GLRB: variants seen among roughly 807,000 people sequenced by gnomAD.
The protein encoded by GLRB is glycine receptor subunit beta.
Under a neutral mutation model 54.2 loss-of-function variants are expected in GLRB, and 33 were observed. The ratio of observed to expected loss-of-function variants is 0.61; its 90% CI spans 0.46 to 0.81. The LOEUF is 0.81. GLRB is among the 40% of genes least tolerant of loss of function. GLRB has a pLI of 0.00. For synonymous variants in GLRB, 209 were observed against 208.2 expected (o/e 1.00, Z -0.03); for missense variants, 572 against 584.6 (o/e 0.98, Z 0.22).
chr4:157,128,529 C>T (rs147561992), intron 4 of GLRB, among the ~76,000 whole-genome samples: 70 of 151,918 alleles, frequency 4.6e-4, no homozygotes, highest in African/African-American at 1.7e-3. Flanking sequence ...TTCCTCATTC[C>T]TGTATTTAAT....
intron 4 of GLRB, among the ~76,000 whole-genome samples, chr4:157,134,157 C>A (rs1736316297): frequency 6.6e-6 from 1 of 151,994 alleles, no homozygotes; most frequent in African/African-American, 2.4e-5. Context: ...TCAGATAATA[C>A]TGTGAACATT....
rs1402486472 is a variant in GLRB, at chr4:157,136,833, A to C, written c.557A>C (p.Asp186Ala). 1.9e-6 allele frequency: 3 copies of C among 1,610,654 alleles called. No individual in the cohort carries two copies. The highest frequency in any genetic ancestry group is 2.5e-6 in the Non-Finnish European group (3 of 1,176,980). The change falls in exon 6 of 10, where the codon GAC becomes GCC. Residue 186 changes from aspartate to alanine, a missense_variant. Physicochemically the swap from Asp to Ala is moderately radical, Grantham distance 126. Transcript: ENST00000264428. ...TCTATTACTCTTTCATGCCCTTTGG[A>C]CTTGACATTGTTTCCCATGGATACA... ...RLSITLSCPL[D>A]LTLFPMDTQR...
intron 2 of GLRB, among the ~76,000 whole-genome samples, chr4:157,093,754 C>CAAAA (rs70958808): frequency 1.3e-3 from 81 of 60,518 alleles, no homozygotes; most frequent in East Asian, 2.0e-3. Context: ...GACTCCATCT[C>CAAAA]AAAAAAAAAA....
chr4:157,141,501 A>T (rs1039234635), intron 7 of GLRB, among the ~76,000 whole-genome samples: 10 of 151,894 alleles, frequency 6.6e-5, no homozygotes, highest in African/African-American at 2.4e-4. Flanking sequence ...TATTAAAATT[A>T]TGCTTTTTTA....
In GLRB at chr4:157,138,866, T is replaced by C. The variant is rs761443255; in HGVS notation, c.668T>C (p.Leu223Ser). Residue 223 changes from leucine (L) to serine (S), a missense_variant, in exon 7 of 10, where the codon TTA becomes TCA. Coordinates refer to ENST00000264428, the MANE Select transcript of GLRB (RefSeq NM_000824.5). Reference protein sequence around the residue: ...FIWQSGDPVQLEKIALPQFDI... With the variant: ...FIWQSGDPVQSEKIALPQFDI... ...TGGCAGTCAGGAGATCCTGTGCAATTAGAAAAAATTGCCTTGCCTCAATTT... is the reference window on the plus strand; with the variant it reads ...TGGCAGTCAGGAGATCCTGTGCAATCAGAAAAAATTGCCTTGCCTCAATTT... The C allele has an allele frequency of 1.9e-5, 29 of 1,547,608 alleles. No homozygotes were observed. The highest frequency in any genetic ancestry group is 1.0e-4 in the Admixed American group (6 of 59,902).
intron 9 of GLRB, among the ~76,000 whole-genome samples, chr4:157,163,332 A>T (rs1737585259): frequency 6.6e-6 from 1 of 152,090 alleles, no homozygotes. Context: ...CGACAGTCAG[A>T]CAAGCCCCAG....
chr4:157,076,985 GGA>G (rs1734062231), intron 1 of GLRB, among the ~76,000 whole-genome samples: 9 of 104,616 alleles, frequency 8.6e-5, no homozygotes, highest in African/African-American at 1.8e-4. Flanking sequence ...GGGGGGGGGG[GGA>G]AGATGAAAAA....
At chr4:157,127,854 A>T (rs1736070301) in intron 4 of GLRB, among the ~76,000 whole-genome samples, 1 of 151,908 alleles carries the variant, frequency 6.6e-6, no homozygotes, top group Admixed American at 6.6e-5. Flanking sequence ...CTCAGTGAAC[A>T]TGATTTTGGT....
At chr4:157,144,020 C>T (rs1736714755) in intron 8 of GLRB, 61 bp downstream of exon 8, 12 of 1,472,696 alleles carry the variant, frequency 8.1e-6, no homozygotes, top group Admixed American at 1.7e-5. Context: ...TCTAACTTAC[C>T]ATATAATCAA....
chr4:157,139,520 T>G (rs879445881), intron 7 of GLRB, among the ~76,000 whole-genome samples: 2 of 152,114 alleles, frequency 1.3e-5, no homozygotes, highest in Non-Finnish European at 2.9e-5. Context: ...CCTCATTCAC[T>G]AAGTTGCATG....
rs186778807 is a variant in GLRB at position 157,083,816 on chromosome 4, A to C, written c.122+5670A>C. Among the ~76,000 whole-genome samples, 293 of 152,266 alleles carry C rather than the reference A, an allele frequency of 1.9e-3. 3 individuals carry two copies. The highest frequency in any genetic ancestry group is 2.4e-3 in the Admixed American group (36 of 15,290). On this transcript the variant is annotated intron_variant, in intron 2 of 9. Coordinates refer to ENST00000264428, the MANE Select transcript of GLRB (RefSeq NM_000824.5). ...ATTTTTAAGGTTTGAAATTTCATGAATAATGTTTTTTAAAACACTTCTTTC... is the reference window on the plus strand; with the variant it reads ...ATTTTTAAGGTTTGAAATTTCATGACTAATGTTTTTTAAAACACTTCTTTC...
chr4:157,118,721 T>C (rs1448180245), intron 2 of GLRB, among the ~76,000 whole-genome samples: 1 of 151,658 alleles, frequency 6.6e-6, no homozygotes, highest in African/African-American at 2.4e-5. Flanking sequence ...TTGCCTCTTA[T>C]CGGCAGATTG....
intron 4 of GLRB, among the ~76,000 whole-genome samples, chr4:157,129,012 C>CA (rs1001669683): frequency 9.3e-4 from 142 of 151,938 alleles, no homozygotes; most frequent in African/African-American, 3.2e-3. Context: ...AACAACATTA[C>CA]AAAATATAAA....
chr4:157,091,793 T>TA (rs1734628099), intron 2 of GLRB, among the ~76,000 whole-genome samples: 2 of 152,184 alleles, frequency 1.3e-5, no homozygotes, highest in Admixed American at 6.5e-5. Flanking sequence ...CTTCTTGGTG[T>TA]TCCTGGGCAG....
At chr4:157,145,688 AAATAT>A (rs1736780514) in intron 8 of GLRB, among the ~76,000 whole-genome samples, 1 of 152,210 alleles carries the variant, frequency 6.6e-6, no homozygotes, top group South Asian at 2.1e-4. Context: ...GGCACCAAAT[AAATAT>A]AATATATCAT....
chr4:157,127,293 C>T (rs1277029315), intron 4 of GLRB, among the ~76,000 whole-genome samples: 4 of 151,450 alleles, frequency 2.6e-5, no homozygotes, highest in Non-Finnish European at 5.9e-5. Context: ...ATATTTGTCC[C>T]ATTTTTTATT....
At chr4:157,138,311 T>C (rs1736482037) in intron 6 of GLRB, among the ~76,000 whole-genome samples, 1 of 152,132 alleles carries the variant, frequency 6.6e-6, no homozygotes, top group Non-Finnish European at 1.5e-5. Context: ...CCTGACCTCG[T>C]GATCCACCCG....
intron 9 of GLRB, among the ~76,000 whole-genome samples, chr4:157,155,715 T>A (rs1737200898): frequency 6.6e-6 from 1 of 152,180 alleles, no homozygotes; most frequent in Non-Finnish European, 1.5e-5. Context: ...AAAAAGTTGT[T>A]TGGTCTTTTG....
chr4:157,100,887 C>T (rs939402132), intron 2 of GLRB, among the ~76,000 whole-genome samples: 1 of 152,048 alleles, frequency 6.6e-6, no homozygotes, highest in Non-Finnish European at 1.5e-5. Context: ...ACCCTGTGGC[C>T]AATTACTGTT....
Sources: gnomAD v4.1 joint callset for allele counts (sites outside exome capture counted in the v4.1 genomes callset) on GRCh38, gnomAD v4.1.1 for gene constraint, MANE v1.5 for transcripts, NCBI Gene and HGNC (gene_info 2026-07-23, HGNC 2026-07-21) for gene names.